Variants in TOR1AIP1 observed in about 807,000 individuals in gnomAD.
TOR1AIP1 encodes torsin 1A interacting protein 1.
Under a neutral mutation model 63.3 loss-of-function variants are expected in TOR1AIP1, and 54 were observed. The observed-to-expected ratio is 0.85, with a 90% CI of 0.69 to 1.07. TOR1AIP1 has a LOEUF of 1.07. TOR1AIP1 is among the 50% of genes least tolerant of loss of function. The probability of loss-of-function intolerance (pLI) is 0.00; values close to 1 mark genes in which losing one functional copy is unlikely to be tolerated. For missense variants in TOR1AIP1, 736 were observed against 715.0 expected (o/e 1.03, Z -0.33); for synonymous variants, 294 against 273.5 (o/e 1.07, Z -0.74).
chr1:179,885,701 A>T (rs1647890888), intron 2 of TOR1AIP1, among the ~76,000 whole-genome samples: 2 of 152,162 alleles, frequency 1.3e-5, no homozygotes, highest in South Asian at 4.1e-4. Context: ...TGTCTGGTTC[A>T]AGTTGAGTTT....
rs1649117053 is a variant in TOR1AIP1 at position 179,919,225 on chromosome 1, A to G, written c.*986A>G. 1 of 151,976 alleles carries G rather than the reference A, an allele frequency of 6.6e-6. No individual in the cohort carries two copies. Among genetic ancestry groups the G allele is most frequent in the African/African-American group, 2.4e-5 (1 of 41,348 alleles). 9.4% of individuals were successfully genotyped at this position (151,976 alleles called of 1,614,324 possible). On this transcript the variant is annotated 3_prime_UTR_variant, in exon 10 of 10. Coordinates refer to ENST00000606911, the MANE Select transcript of TOR1AIP1 (RefSeq NM_015602.4). ...GTTGCAGTAAGCCGAGACCATGCTT[A>G]TTGCCCTCCAGTCTGGGCAACAAAA...
intron 9 of TOR1AIP1, among the ~76,000 whole-genome samples, chr1:179,914,447 T>C (rs566873274): frequency 6.6e-6 from 1 of 152,330 alleles, no homozygotes; most frequent in East Asian, 1.9e-4. Flanking sequence ...TTTACAGCCT[T>C]GTGGCAAGTT....
intron 5 of TOR1AIP1, among the ~76,000 whole-genome samples, chr1:179,903,581 C>G (rs115752793): frequency 6.6e-6 from 1 of 150,934 alleles, no homozygotes; most frequent in Non-Finnish European, 1.5e-5. Flanking sequence ...GATCTCGGCT[C>G]GCTGCACCTC....
At chr1:179,899,388 C>T (rs1648378970) in intron 3 of TOR1AIP1, among the ~76,000 whole-genome samples, 1 of 151,962 alleles carries the variant, frequency 6.6e-6, no homozygotes, top group African/African-American at 2.4e-5. Context: ...CATACATGGA[C>T]CCGCCAGAAC....
Position 179,900,029 on chromosome 1 carries a change from C to G in TOR1AIP1, c.611-97C>G, listed in dbSNP as rs1276782830. ...TAAACGAGATGCTCTTTTATTTATTCCTAAGCTTTAACTTTTTTCCTAAGC... is the reference window on the plus strand; with the variant it reads ...TAAACGAGATGCTCTTTTATTTATTGCTAAGCTTTAACTTTTTTCCTAAGC... On this transcript the variant is annotated intron_variant, in intron 3 of 9. Coordinates refer to ENST00000606911, the MANE Select transcript of TOR1AIP1 (RefSeq NM_015602.4). The G allele has an allele frequency of 3.5e-6, 3 of 862,840 alleles. No individual in the cohort carries two copies. The Admixed American group carries it at 7.2e-5, about 21-fold the overall frequency. The allele number at this position is 862,840 out of a possible 1,614,324, so 53.4% of individuals were successfully genotyped here. A position where few individuals can be genotyped will look rare whatever the true frequency, so the allele number is the denominator to read the frequency against.
chr1:179,884,681 C>G lies in TOR1AIP1; in HGVS notation c.476-11C>G. ...TTCTGAATTTTAACTCTTGTTATGT[C>G]TGTTTTTTAGAGGATGAAGCATCTT... On this transcript the variant is annotated splice_polypyrimidine_tract_variant and intron_variant, in intron 1 of 9. Coordinates refer to ENST00000606911, the MANE Select transcript of TOR1AIP1 (RefSeq NM_015602.4). 6.2e-7 allele frequency: 1 copy of G among 1,600,206 alleles called. No individual in the cohort carries two copies. Among genetic ancestry groups the G allele is most frequent in the Non-Finnish European group, 8.5e-7 (1 of 1,174,464 alleles).
chr1:179,891,042 T>A (rs572155966), intron 3 of TOR1AIP1, among the ~76,000 whole-genome samples: 1 of 152,358 alleles, frequency 6.6e-6, no homozygotes, highest in South Asian at 2.1e-4. Flanking sequence ...ACCCAGTCCC[T>A]ATGACTAGGA....
chr1:179,907,491 T>C (rs1451741700), intron 6 of TOR1AIP1, among the ~76,000 whole-genome samples: 1 of 150,430 alleles, frequency 6.6e-6, no homozygotes, highest in African/African-American at 2.4e-5. Flanking sequence ...TATATGTAGT[T>C]TTTATTTTGA....
At chr1:179,893,637 C>T (rs932341174) in intron 3 of TOR1AIP1, among the ~76,000 whole-genome samples, 2 of 152,042 alleles carry the variant, frequency 1.3e-5, no homozygotes, top group African/African-American at 4.8e-5. Flanking sequence ...GGCAGCATTT[C>T]ACCATGTTTG....
intron 6 of TOR1AIP1, 114 bp downstream of exon 6, chr1:179,904,136 A>T: frequency 1.3e-6 from 1 of 745,806 alleles, no homozygotes; most frequent in Non-Finnish European, 2.1e-6. Flanking sequence ...GGAATAATGA[A>T]TGCTAAAAAA....
At chr1:179,913,906 G>T in intron 8 of TOR1AIP1, 92 bp from the exon 9 acceptor site, 1 of 1,206,268 alleles carries the variant, frequency 8.3e-7, no homozygotes, top group Non-Finnish European at 1.2e-6. Flanking sequence ...TTTTTTTCCT[G>T]GTGGAATTTG....
intron 6 of TOR1AIP1, among the ~76,000 whole-genome samples, chr1:179,906,731 T>TCC (rs1558044572): frequency 4.4e-4 from 22 of 50,294 alleles, no homozygotes; most frequent in African/African-American, 1.3e-3. Context: ...CCAATTTTGG[T>TCC]TCCCCCCCCC....
intron 1 of TOR1AIP1, 92 bp downstream of exon 1, chr1:179,883,069 A>G (rs1248071828): frequency 4.3e-6 from 5 of 1,175,246 alleles, no homozygotes; most frequent in Non-Finnish European, 6.1e-6. Flanking sequence ...CCGCCTGGGT[A>G]CTAAGTACTG....
rs1279272440 is a variant in TOR1AIP1 at position 179,882,626 on chromosome 1, G to T, written c.124G>T (p.Ala42Ser). The T allele has an allele frequency of 6.5e-7, 1 of 1,533,778 alleles. No individual in the cohort carries two copies. Among genetic ancestry groups the T allele is most frequent in the South Asian group, 1.3e-5 (1 of 77,620 alleles). The change falls in exon 1 of 10, where the codon GCG (alanine) becomes TCG (serine). Residue 42 changes from alanine to serine, a missense_variant. This residue lies in a region of TOR1AIP1 where 464 missense variants were observed against 371.0 expected (regional missense o/e 1.25). Coordinates refer to ENST00000606911, the MANE Select transcript of TOR1AIP1 (RefSeq NM_015602.4). Reference protein sequence around the residue: ...LAPQNGGSSDAPAYRTPPSRQ... With the variant: ...LAPQNGGSSDSPAYRTPPSRQ... Reference sequence around the variant, plus strand: ...CCCTCAAAATGGCGGCAGCAGCGATGCGCCTGCGTACAGAACTCCTCCGTC... The same window carrying T: ...CCCTCAAAATGGCGGCAGCAGCGATTCGCCTGCGTACAGAACTCCTCCGTC...
chr1:179,895,216 C>A (rs968927696), intron 3 of TOR1AIP1, among the ~76,000 whole-genome samples: 1 of 152,192 alleles, frequency 6.6e-6, no homozygotes, highest in Non-Finnish European at 1.5e-5. Flanking sequence ...TTTATGATTT[C>A]TTTAATAATG....
chr1:179,913,110 ATTTCT>A lies in TOR1AIP1; in HGVS notation c.908-881_908-877del, dbSNP rs1472504238. Reference sequence around the variant, plus strand: ...AAGGGAAGGGTTAGGATCATTTTTAATTTCTTTTCTTGTTTTTAATTTTTTTTTTT... The same window carrying A: ...AAGGGAAGGGTTAGGATCATTTTTAATTTCTTGTTTTTAATTTTTTTTTTT... On this transcript the variant is annotated intron_variant, in intron 8 of 9. Transcript: ENST00000606911. 2.6e-5 allele frequency among the ~76,000 whole-genome samples: 4 copies of A among 151,084 alleles called. No homozygotes were observed. The East Asian group carries it at 7.7e-4, about 29-fold the overall frequency.
At chr1:179,901,258 G>A in intron 4 of TOR1AIP1, 44 bp from the exon 5 acceptor site, 1 of 1,288,690 alleles carries the variant, frequency 7.8e-7, no homozygotes, top group Non-Finnish European at 1.1e-6. Context: ...GATCTTCTGA[G>A]CATTAAAATA....
chr1:179,914,176 C>G (rs1648921641), intron 9 of TOR1AIP1, 122 bp downstream of exon 9: 4 of 848,222 alleles, frequency 4.7e-6, no homozygotes, highest in Middle Eastern at 2.7e-4. Context: ...ATTTTAAGCA[C>G]TTGAGAGGAA....
chr1:179,887,261 T>C (rs1244471989), intron 2 of TOR1AIP1, among the ~76,000 whole-genome samples: 1 of 152,114 alleles, frequency 6.6e-6, no homozygotes, highest in African/African-American at 2.4e-5. Flanking sequence ...TAGCCAGGCG[T>C]GGTGGTGGGC....
Sources: allele counts gnomAD v4.1 joint callset (sites outside exome capture counted in the v4.1 genomes callset), GRCh38; gene constraint gnomAD v4.1.1; regional missense constraint gnomAD v4.1.1; transcripts MANE v1.5; gene names NCBI Gene and HGNC (gene_info 2026-07-23, HGNC 2026-07-21).